Variants in TTC27 observed in about 807,000 individuals in gnomAD.
The protein encoded by TTC27 is tetratricopeptide repeat protein 27.
TTC27 carries 79 observed loss-of-function variants against 115.9 expected under a neutral mutation model. That is an observed-to-expected ratio of 0.68 (90% CI 0.57 to 0.82). The LOEUF (loss-of-function observed/expected upper bound fraction) is 0.82. Among genes scored for constraint, TTC27 ranks in the 40% least tolerant of loss-of-function variants. TTC27 has a pLI of 0.00. For missense variants in TTC27, 1,054 were observed against 993.1 expected, an observed-to-expected ratio of 1.06 and a Z score of -0.82; for synonymous variants, 401 against 356.0, an observed-to-expected ratio of 1.13 and a Z score of -1.42.
chr2:32,672,537 A>G (rs943996104), intron 8 of TTC27, among the ~76,000 whole-genome samples, 153 bp downstream of exon 8: 16 of 152,350 alleles, frequency 1.1e-4, no homozygotes, highest in African/African-American at 3.6e-4. Flanking sequence ...TGGAGAACCA[A>G]TTAAAGGGTT....
intron 16 of TTC27, among the ~76,000 whole-genome samples, chr2:32,801,435 A>T (rs1180376973): frequency 6.6e-6 from 1 of 151,900 alleles, no homozygotes; most frequent in Non-Finnish European, 1.5e-5. Context: ...CTCCATTTTC[A>T]TCTCCTCTCT....
At chr2:32,754,223 C>T (rs1264030962) in intron 12 of TTC27, among the ~76,000 whole-genome samples, 5 of 148,588 alleles carry the variant, frequency 3.4e-5, no homozygotes, top group East Asian at 3.9e-4. Context: ...AGGACAATAG[C>T]GGAGGGAAGG....
intron 7 of TTC27, among the ~76,000 whole-genome samples, chr2:32,666,970 T>G (rs1344435675): frequency 9.2e-5 from 1 of 10,896 alleles, no homozygotes; most frequent in African/African-American, 6.9e-4. Flanking sequence ...AAAACTGGTG[T>G]TTTTTTTTTC....
Position 32,818,557 on chromosome 2 carries a change from A to G in TTC27, c.2409+1000A>G, listed in dbSNP as rs913069413. 3.9e-5 allele frequency among the ~76,000 whole-genome samples: 6 copies of G among 152,218 alleles called. No homozygotes were observed. The East Asian group carries it at 1.2e-3, about 29-fold the overall frequency. ...CTCTATCTGTGACCGATGTAGATTC[A>G]GGTCTGGGATGGACCCAGGAAATCT... is the stretch of plus-strand genomic sequence containing the variant. On this transcript the variant is annotated intron_variant, in intron 19 of 19. Transcript: ENST00000317907.
In TTC27 at chr2:32,662,182, A is replaced by C. The variant is rs554561710; in HGVS notation, c.641-2121A>C. Among the ~76,000 whole-genome samples, 62 of 152,268 alleles carry C rather than the reference A, an allele frequency of 4.1e-4. 1 individual carries two copies. In the South Asian group the frequency reaches 0.01, roughly 25 times the overall value. ...GATTCAGTTTGCCAGTATTTTATTG[A>C]GGATTTTTGCATCAATGTTCATCAG... On this transcript the variant is annotated intron_variant, in intron 5 of 19. Coordinates refer to ENST00000317907, the MANE Select transcript of TTC27 (RefSeq NM_017735.5).
chr2:32,636,845 G>T (rs192018666), intron 3 of TTC27, among the ~76,000 whole-genome samples: 1 of 152,336 alleles, frequency 6.6e-6, no homozygotes, highest in African/African-American at 2.4e-5. Flanking sequence ...GAACCTGAAG[G>T]ATGGTTAGAA....
chr2:32,803,105 G>C (rs1433575195), intron 16 of TTC27, among the ~76,000 whole-genome samples: 1 of 152,194 alleles, frequency 6.6e-6, no homozygotes, highest in African/African-American at 2.4e-5. Context: ...TCACCCATTG[G>C]ATACACTTTG....
chr2:32,652,312 A>C (rs1181013349), intron 5 of TTC27, among the ~76,000 whole-genome samples: 1 of 152,198 alleles, frequency 6.6e-6, no homozygotes, highest in Non-Finnish European at 1.5e-5. Flanking sequence ...CGGAGGTTGC[A>C]GTGAGCTGAG....
At chr2:32,645,363 T>A (rs1332156451) in intron 4 of TTC27, among the ~76,000 whole-genome samples, 1 of 152,176 alleles carries the variant, frequency 6.6e-6, no homozygotes, top group Non-Finnish European at 1.5e-5. Flanking sequence ...ATTTATTTGG[T>A]GTCTTGTGAG....
chr2:32,678,667 T>C (rs1427316706), intron 8 of TTC27, among the ~76,000 whole-genome samples, 189 bp from the exon 9 acceptor site: 5 of 152,246 alleles, frequency 3.3e-5, no homozygotes, highest in Admixed American at 3.3e-4. Flanking sequence ...GACCTTGTGA[T>C]CTGCCCGCCT....
At chr2:32,710,440 T>A (rs1667535694) in intron 10 of TTC27, among the ~76,000 whole-genome samples, 1 of 150,590 alleles carries the variant, frequency 6.6e-6, no homozygotes, top group Non-Finnish European at 1.5e-5. Flanking sequence ...TTTTTTTTTT[T>A]TTTTCTGAGA....
chr2:32,712,170 G>T (rs1334896087), intron 10 of TTC27, among the ~76,000 whole-genome samples: 1 of 152,182 alleles, frequency 6.6e-6, no homozygotes, highest in East Asian at 1.9e-4. Flanking sequence ...AGATTTGGAA[G>T]AGATCTCTAA....
chr2:32,663,579 G>T (rs757232030), intron 5 of TTC27, among the ~76,000 whole-genome samples: 3 of 152,116 alleles, frequency 2.0e-5, no homozygotes, highest in Admixed American at 6.5e-5. Flanking sequence ...CCTTGATTTC[G>T]CTGGGAGCTG....
intron 12 of TTC27, among the ~76,000 whole-genome samples, chr2:32,741,289 T>C (rs1432895676): frequency 1.3e-5 from 2 of 152,140 alleles, no homozygotes; most frequent in Admixed American, 1.3e-4. Context: ...ACTACTCTGG[T>C]ACCCCATTTG....
At position 32,733,872 on chromosome 2, in the gene TTC27, A is replaced by G. The variant is rs1217452600; in HGVS notation, c.1278A>G (p.Glu426=). The G allele has an allele frequency of 1.2e-6, 2 of 1,612,548 alleles. No homozygotes were observed. Among genetic ancestry groups the G allele is most frequent in the East Asian group, 2.2e-5 (1 of 44,716 alleles). ...QFEDKTTSVL[E]RLKIFYCCQV... is the part of the protein sequence containing the mutation. The stretch of plus-strand genomic sequence containing the variant: ...AAGATAAAACTACATCTGTATTGGA[A>G]CGCCTGAAGATTTTCTATTGCTGTC... The change falls in exon 11 of 20, where the codon GAA becomes GAG. Residue 426 remains glutamate, a synonymous_variant. Coordinates refer to ENST00000317907, the MANE Select transcript of TTC27 (RefSeq NM_017735.5).
At chr2:32,658,074 C>A (rs1383585742) in intron 5 of TTC27, among the ~76,000 whole-genome samples, 1 of 152,158 alleles carries the variant, frequency 6.6e-6, no homozygotes, top group African/African-American at 2.4e-5. Flanking sequence ...GGTGATCCAC[C>A]ACCTTGGCCT....
intron 9 of TTC27, 64 bp downstream of exon 9, chr2:32,678,986 G>T: frequency 7.1e-7 from 1 of 1,414,824 alleles, no homozygotes; most frequent in Non-Finnish European, 9.9e-7. Context: ...CTCTGGTATG[G>T]TCTTGCCTTG....
In TTC27 at chr2:32,703,115, ACTCGGTATTTAAC is replaced by A. The variant is rs1667247190; in HGVS notation, c.1233+199_1233+211del. 2.0e-5 allele frequency among the ~76,000 whole-genome samples: 3 copies of A among 152,194 alleles called. No individual in the cohort carries two copies. In the South Asian group the frequency reaches 6.2e-4, roughly 32 times the overall value. ...GCTCTGTGACTTAGCAGCTCTGTGA[ACTCGGTATTTAAC>A]CTCTCCAAACCTCATTTTCATCATC... On this transcript the variant is annotated intron_variant, in intron 10 of 19. Transcript: ENST00000317907.
At chr2:32,634,773 C>T (rs1457485986) in intron 3 of TTC27, among the ~76,000 whole-genome samples, 1 of 152,050 alleles carries the variant, frequency 6.6e-6, no homozygotes, top group African/African-American at 2.4e-5. Context: ...TCTTCTGCTT[C>T]AGCCTCCCTA....
Sources: allele counts gnomAD v4.1 joint callset (sites outside exome capture counted in the v4.1 genomes callset), GRCh38; gene constraint gnomAD v4.1.1; transcripts MANE v1.5; gene names NCBI Gene and HGNC (gene_info 2026-07-23, HGNC 2026-07-21).